GALNT13: variants seen among roughly 807,000 people sequenced by gnomAD.
GALNT13 encodes polypeptide N-acetylgalactosaminyltransferase 13.
Under a neutral mutation model 64.2 loss-of-function variants are expected in GALNT13, and 28 were observed. That is an observed-to-expected ratio of 0.44 (90% confidence interval 0.32 to 0.60). The LOEUF (loss-of-function observed/expected upper bound fraction) is 0.60, where lower values mean the gene tolerates loss of function less well. GALNT13 is among the 20% of genes least tolerant of loss of function. GALNT13 has a pLI of 0.05. For synonymous variants in GALNT13, 214 were observed against 224.6 expected (o/e 0.95, Z 0.42); for missense variants, 577 against 669.8 (o/e 0.86, Z 1.53).
the GALNT13 span, among the ~76,000 whole-genome samples, chr2:153,127,798 T>A: frequency 1.2e-4 from 18 of 152,202 alleles, no homozygotes; most frequent in Non-Finnish European, 1.9e-4. Flanking sequence ...GGTAGTTTTG[T>A]ATAACAGATA....
the GALNT13 span, chr2:153,421,614 G>T: frequency 4.1e-6 from 1 of 245,576 alleles, no homozygotes; most frequent in Non-Finnish European, 9.1e-6. Flanking sequence ...TTGCGAATTT[G>T]GTCCAAAGGC....
chr2:154,204,548 T>G (rs912043279), intron 4 of GALNT13, among the ~76,000 whole-genome samples: 1 of 152,230 alleles, frequency 6.6e-6, no homozygotes, highest in East Asian at 1.9e-4. Context: ...CTTTTCCCAG[T>G]TGAATCTCAC....
chr2:153,436,164 C>T, the GALNT13 span, among the ~76,000 whole-genome samples: 1 of 152,130 alleles, frequency 6.6e-6, no homozygotes, highest in Non-Finnish European at 1.5e-5. Flanking sequence ...AGCCTTGCAT[C>T]CCAGGGATGA....
At chr2:153,509,236 C>T in the GALNT13 span, among the ~76,000 whole-genome samples, 1 of 152,160 alleles carries the variant, frequency 6.6e-6, no homozygotes, top group Non-Finnish European at 1.5e-5. Flanking sequence ...GAGTGCAGGG[C>T]TGCCTCAGTC....
intron 1 of GALNT13, among the ~76,000 whole-genome samples, chr2:153,874,393 C>G (rs919966007): frequency 6.6e-6 from 1 of 151,898 alleles, no homozygotes. Context: ...TTATCCCATT[C>G]CAGGGCTTAA....
At chr2:153,464,674 A>G in the GALNT13 span, among the ~76,000 whole-genome samples, 1 of 152,080 alleles carries the variant, frequency 6.6e-6, no homozygotes, top group Admixed American at 6.6e-5. Flanking sequence ...ACAGGACTGT[A>G]AGGTCACACC....
the GALNT13 span, among the ~76,000 whole-genome samples, chr2:153,834,048 GT>G: frequency 6.6e-6 from 1 of 152,004 alleles, no homozygotes; most frequent in South Asian, 2.1e-4. Context: ...ACTCAATTTT[GT>G]TTTTATCATA....
upstream of GALNT13, among the ~76,000 whole-genome samples, chr2:153,869,607 C>T (rs907816831): frequency 6.6e-6 from 1 of 152,108 alleles, no homozygotes; most frequent in African/African-American, 2.4e-5. Context: ...TCATGAGGCT[C>T]ATGATATCAC....
chr2:153,302,495 T>G, the GALNT13 span, among the ~76,000 whole-genome samples: 1 of 152,168 alleles, frequency 6.6e-6, no homozygotes, highest in Non-Finnish European at 1.5e-5. Context: ...TTTGCAAATA[T>G]TATTTTCACA....
the GALNT13 span, among the ~76,000 whole-genome samples, chr2:153,535,300 G>A: frequency 3.0e-4 from 45 of 152,186 alleles, no homozygotes; most frequent in Non-Finnish European, 4.8e-4. Flanking sequence ...CAGGATATCT[G>A]ATTAGAGAGT....
the GALNT13 span, among the ~76,000 whole-genome samples, chr2:153,123,202 A>G: frequency 1.3e-5 from 2 of 152,184 alleles, no homozygotes; most frequent in South Asian, 4.1e-4. Flanking sequence ...AACACCAAGG[A>G]TTGCTGGCAA....
chr2:153,602,114 C>T, the GALNT13 span, among the ~76,000 whole-genome samples: 2 of 151,820 alleles, frequency 1.3e-5, no homozygotes, highest in African/African-American at 4.8e-5. Flanking sequence ...ATCAACAAGC[C>T]TCTATTGTGT....
At chr2:154,153,712 C>T (rs1198167481) in intron 4 of GALNT13, among the ~76,000 whole-genome samples, 1 of 152,210 alleles carries the variant, frequency 6.6e-6, no homozygotes, top group African/African-American at 2.4e-5. Flanking sequence ...AGCGAGACTC[C>T]ATGGGCATAG....
At chr2:153,969,962 T>C (rs1429190693) in intron 3 of GALNT13, among the ~76,000 whole-genome samples, 1 of 152,204 alleles carries the variant, frequency 6.6e-6, no homozygotes, top group Non-Finnish European at 1.5e-5. Context: ...GGCACTCTTG[T>C]TGAATTTGAA....
chr2:154,173,916 G>T (rs1260825540), intron 4 of GALNT13, among the ~76,000 whole-genome samples: 1 of 152,044 alleles, frequency 6.6e-6, no homozygotes, highest in Non-Finnish European at 1.5e-5. Flanking sequence ...TGTGGAGAAA[G>T]GGGAATGCCC....
the GALNT13 span, among the ~76,000 whole-genome samples, chr2:153,410,785 G>T: frequency 6.6e-6 from 1 of 151,832 alleles, no homozygotes; most frequent in Non-Finnish European, 1.5e-5. Context: ...ATAGTGTATT[G>T]ATTATATAGT....
At chr2:154,251,930 T>A (rs1690090171) in intron 7 of GALNT13, among the ~76,000 whole-genome samples, 1 of 152,248 alleles carries the variant, frequency 6.6e-6, no homozygotes, top group Admixed American at 6.5e-5. Context: ...TTTTATAATT[T>A]AAAAAAATCA....
the GALNT13 span, among the ~76,000 whole-genome samples, chr2:153,769,893 T>C: frequency 6.6e-6 from 1 of 152,216 alleles, no homozygotes; most frequent in Non-Finnish European, 1.5e-5. Context: ...TGTAATTCCT[T>C]TAATGGATTT....
chr2:153,845,075 C>T, the GALNT13 span, among the ~76,000 whole-genome samples: 1 of 152,204 alleles, frequency 6.6e-6, no homozygotes, highest in African/African-American at 2.4e-5. Context: ...CTTTCAAGCC[C>T]TCCAAAGTCT....
Sources: allele counts gnomAD v4.1 joint callset (sites outside exome capture counted in the v4.1 genomes callset), GRCh38; gene constraint gnomAD v4.1.1; transcripts MANE v1.5; gene names NCBI Gene and HGNC (gene_info 2026-07-23, HGNC 2026-07-21).